Variants in SRGAP1 observed in about 807,000 individuals in gnomAD.
The protein encoded by SRGAP1 is SLIT-ROBO Rho GTPase-activating protein 1.
In SRGAP1, 43 loss-of-function variants were observed where a neutral mutation model predicts 121.9. The observed-to-expected ratio is 0.35, with a 90% confidence interval of 0.28 to 0.46. The LOEUF is 0.46. Ranked by LOEUF, SRGAP1 falls within the 20% of genes least tolerant of loss-of-function variation. SRGAP1 has a pLI of 1.00. For synonymous variants in SRGAP1, 447 were observed against 485.4 expected, an observed-to-expected ratio of 0.92 and a Z score of 1.04; for missense variants, 1,102 against 1,350.9, an observed-to-expected ratio of 0.82 and a Z score of 2.89.
At chr12:63,891,928 G>A (rs1299923040) in intron 1 of SRGAP1, among the ~76,000 whole-genome samples, 1 of 146,606 alleles carries the variant, frequency 6.8e-6, no homozygotes. Context: ...AGAGGCTGCA[G>A]TGAGCTGAGA....
chr12:64,048,018 G>C (rs144537631), intron 6 of SRGAP1, among the ~76,000 whole-genome samples: 1 of 152,012 alleles, frequency 6.6e-6, no homozygotes, highest in Non-Finnish European at 1.5e-5. Context: ...ATTTTTAAGT[G>C]TACAACAAAT....
chr12:63,859,011 A>G (rs929650816), intron 1 of SRGAP1, among the ~76,000 whole-genome samples: 1 of 152,074 alleles, frequency 6.6e-6, no homozygotes, highest in African/African-American at 2.4e-5. Context: ...CCGATAAATT[A>G]TATTTTTCTA....
intron 2 of SRGAP1, among the ~76,000 whole-genome samples, chr12:63,985,785 C>G (rs1401316632): frequency 1.3e-5 from 2 of 152,132 alleles, no homozygotes; most frequent in African/African-American, 4.8e-5. Flanking sequence ...ACCAGAAGAG[C>G]TACTATCTCA....
At chr12:63,967,374 C>T (rs112593649) in intron 1 of SRGAP1, among the ~76,000 whole-genome samples, 9 of 152,228 alleles carry the variant, frequency 5.9e-5, no homozygotes, top group African/African-American at 1.9e-4. Flanking sequence ...CCCAGAAAGT[C>T]GAAATTAAAG....
chr12:64,021,695 A>G (rs765310236), intron 4 of SRGAP1, among the ~76,000 whole-genome samples: 5 of 152,224 alleles, frequency 3.3e-5, no homozygotes, highest in Non-Finnish European at 7.3e-5. Flanking sequence ...CAGAGAACAT[A>G]AGCAATTTAT....
rs1395150002 is a variant in SRGAP1, at chr12:63,911,451, A to G, written c.67+66568A>G. Among the ~76,000 whole-genome samples, 6 of 152,220 alleles carry G rather than the reference A, an allele frequency of 3.9e-5. No homozygotes were observed. The East Asian group carries it at 1.2e-3, about 29-fold the overall frequency. The stretch of plus-strand genomic sequence containing the variant: ...CAACCTTGCATCTATCTCTGCACCC[A>G]TCCATGTAGTTGTGGTGGTGTTTTG... On this transcript the variant is annotated intron_variant, in intron 1 of 21. Coordinates refer to ENST00000355086, the MANE Select transcript of SRGAP1 (RefSeq NM_020762.4).
chr12:63,850,136 A>G (rs1899028520), intron 1 of SRGAP1, among the ~76,000 whole-genome samples: 1 of 152,154 alleles, frequency 6.6e-6, no homozygotes, highest in African/African-American at 2.4e-5. Context: ...TACAAATATG[A>G]TTTGCCTGAT....
At position 63,869,025 on chromosome 12, in the gene SRGAP1, C is replaced by T. The variant is rs1352349897; in HGVS notation, c.67+24142C>T. 3.9e-5 allele frequency among the ~76,000 whole-genome samples: 6 copies of T among 152,170 alleles called. No homozygotes were observed. The South Asian group carries it at 1.0e-3, about 26-fold the overall frequency. ...CAAATTAAAAAACTAATAAGTTATT[C>T]CATCTGGCTCTCAAAGGCATAATCC... On this transcript the variant is annotated intron_variant, in intron 1 of 21. Coordinates refer to ENST00000355086, the MANE Select transcript of SRGAP1 (RefSeq NM_020762.4).
chr12:64,025,659 C>A (rs770684311), intron 4 of SRGAP1, among the ~76,000 whole-genome samples: 1 of 152,030 alleles, frequency 6.6e-6, no homozygotes, highest in African/African-American at 2.4e-5. Context: ...TCCTGGAAAA[C>A]TTTTTTAAAA....
intron 18 of SRGAP1, among the ~76,000 whole-genome samples, chr12:64,119,298 A>C (rs896904385): frequency 6.6e-6 from 1 of 152,124 alleles, no homozygotes; most frequent in African/African-American, 2.4e-5. Context: ...CCTTTTAATA[A>C]ATCTTAATCG....
intron 17 of SRGAP1, among the ~76,000 whole-genome samples, chr12:64,114,900 T>C (rs1429451970): frequency 1.3e-5 from 2 of 152,234 alleles, no homozygotes; most frequent in East Asian, 1.9e-4. Context: ...GTAGTAGTTA[T>C]ACTTGTCCCC....
At chr12:64,023,031 T>C (rs2034581986) in intron 4 of SRGAP1, among the ~76,000 whole-genome samples, 1 of 152,130 alleles carries the variant, frequency 6.6e-6, no homozygotes, top group African/African-American at 2.4e-5. Context: ...TAGTAGTTAA[T>C]GTTAGCCTCC....
chr12:63,914,468 A>G (rs529426064), intron 1 of SRGAP1, among the ~76,000 whole-genome samples: 2 of 152,324 alleles, frequency 1.3e-5, no homozygotes, highest in African/African-American at 2.4e-5. Flanking sequence ...ATGTCTCCCT[A>G]TATCTACTAC....
intron 6 of SRGAP1, among the ~76,000 whole-genome samples, chr12:64,052,259 T>C (rs11175242): frequency 0.1 from 15,667 of 151,940 alleles, 970 homozygotes; most frequent in South Asian, 0.31. Flanking sequence ...TCAGTAACAT[T>C]AAAAGGAACA....
intron 8 of SRGAP1, among the ~76,000 whole-genome samples, chr12:64,072,226 G>C (rs1047512624): frequency 4.0e-5 from 6 of 149,324 alleles, no homozygotes; most frequent in African/African-American, 1.2e-4. Context: ...ATACATTCAA[G>C]GTCAGCAATG....
chr12:64,046,984 A>T (rs2035143629), intron 6 of SRGAP1, among the ~76,000 whole-genome samples: 1 of 152,186 alleles, frequency 6.6e-6, no homozygotes, highest in Admixed American at 6.5e-5. Context: ...TATGCAGCCA[A>T]TCAGGGGTAG....
chr12:64,131,856 G>C (rs1396249532), intron 21 of SRGAP1, among the ~76,000 whole-genome samples: 1 of 152,212 alleles, frequency 6.6e-6, no homozygotes, highest in Non-Finnish European at 1.5e-5. Flanking sequence ...CCAAAGCCCA[G>C]TAACAGGCCA....
intron 1 of SRGAP1, among the ~76,000 whole-genome samples, chr12:63,880,704 G>A (rs2136285827): frequency 6.6e-6 from 1 of 152,238 alleles, no homozygotes; most frequent in Non-Finnish European, 1.5e-5. Context: ...CATCCCCTGT[G>A]TTCTGGCAGC....
At chr12:64,013,165 C>T (rs2034300812) in intron 3 of SRGAP1, among the ~76,000 whole-genome samples, 1 of 152,158 alleles carries the variant, frequency 6.6e-6, no homozygotes, top group Admixed American at 6.5e-5. Context: ...TTAAAGATTG[C>T]TTCTTTGGGA....
Sources: gnomAD v4.1 joint callset for allele counts (sites outside exome capture counted in the v4.1 genomes callset) on GRCh38, gnomAD v4.1.1 for gene constraint, MANE v1.5 for transcripts, NCBI Gene and HGNC (gene_info 2026-07-23, HGNC 2026-07-21) for gene names.